The following CLSPN variants were observed in gnomAD, a reference collection of about 807,000 sequenced individuals.
CLSPN encodes claspin, also known as claspin homolog.
Under a neutral mutation model 156.3 loss-of-function variants are expected in CLSPN, and 85 were observed. The ratio of observed to expected loss-of-function variants is 0.54; its 90% confidence interval spans 0.46 to 0.65. The LOEUF is 0.65. Ranked by LOEUF, CLSPN falls within the 30% of genes least tolerant of loss-of-function variation. The probability of loss-of-function intolerance (pLI) is 0.00; values close to 1 mark genes in which losing one functional copy is unlikely to be tolerated. For missense variants in CLSPN, 1,407 were observed against 1,554.9 expected (o/e 0.90, Z 1.60); for synonymous variants, 534 against 542.4 (o/e 0.98, Z 0.22).
Position 35,760,482 on chromosome 1 carries a change from G to T in CLSPN, c.1439C>A (p.Ser480Ter). ...TTTTTCAGGTGGCCCAACTGCTGAT[G>T]ATTTATTTTGCTGCTCAGGCTCTTC... ...KVEEPEQQNK[S>*]SAVGPPEKVR... Residue 480 changes from serine to a stop codon, truncating the protein, a stop_gained, in exon 8 of 25, where the codon TCA becomes TAA. Coordinates refer to ENST00000318121, the MANE Select transcript of CLSPN (RefSeq NM_022111.4). LOFTEE classifies it high-confidence loss of function. 1.2e-6 allele frequency: 2 copies of T among 1,614,194 alleles called. No homozygotes were observed. Among genetic ancestry groups the T allele is most frequent in the Non-Finnish European group, 1.7e-6 (2 of 1,180,036 alleles).
Position 35,763,275 on chromosome 1 carries a change from A to G in CLSPN, c.629T>C (p.Val210Ala). The G allele has an allele frequency of 6.2e-7, 1 of 1,605,720 alleles. No homozygotes were observed. Among genetic ancestry groups the G allele is most frequent in the Non-Finnish European group, 8.5e-7 (1 of 1,177,738 alleles). ...QPFNDSGCLL[V>A]DKDLFETGLE... The stretch of plus-strand genomic sequence containing the variant: ...CCCAGTTTCAAAAAGGTCTTTATCC[A>G]CAAGAAGACAGCCACTGTCATTAAA... Residue 210 changes from valine to alanine, a missense_variant, in exon 4 of 25, where the codon GTG becomes GCG. Physicochemically the swap from Val to Ala is moderately conservative, Grantham distance 64. Around this residue, in one of 3 missense-constraint regions of CLSPN, gnomAD observed 1,096 missense variants for 1,193.0 expected, o/e 0.92. Transcript: ENST00000318121.
rs747813466 is a variant in CLSPN, at chr1:35,764,680, C to T, written c.168G>A (p.Leu56=). Residue 56 remains leucine (L), a synonymous_variant, in exon 3 of 25, where the codon TTG becomes TTA. Coordinates refer to ENST00000318121, the MANE Select transcript of CLSPN (RefSeq NM_022111.4). ...TGTCTTGTAGAACCTTCCTGTTTTT[C>T]AACTTCTTACTTACAAATATCTCTT... is the stretch of plus-strand genomic sequence containing the variant. ...SDEEIFVSKK[L]KNRKVLQDSD... 2.5e-6 allele frequency: 4 copies of T among 1,582,144 alleles called. No individual in the cohort carries two copies. The African/African-American group carries it at 4.1e-5, about 16-fold the overall frequency.
At position 35,765,253 on chromosome 1, in the gene CLSPN, C is replaced by T. The variant is rs1642630017; in HGVS notation, c.98G>A (p.Gly33Asp). 9 of 1,613,570 alleles carry T rather than the reference C, an allele frequency of 5.6e-6. No homozygotes were observed. Among genetic ancestry groups the T allele is most frequent in the Non-Finnish European group, 7.6e-6 (9 of 1,179,712 alleles). The part of the protein sequence containing the change: ...EADSPSDSGQ[G>D]SYETIGPLSE... ...CAAGGGTCCAATTGTTTCATAGCTG[C>T]CCTGTCCACTATCTGAAGGACTATC... Residue 33 changes from glycine (G) to aspartate (D), a missense_variant, in exon 2 of 25, where the codon GGC (glycine) becomes GAC (aspartate). Physicochemically the swap from Gly to Asp is moderately conservative, Grantham distance 94 (BLOSUM62 -1). Around this residue, in one of 3 missense-constraint regions of CLSPN, gnomAD observed 1,096 missense variants for 1,193.0 expected, o/e 0.92. Transcript: ENST00000318121.
In CLSPN at chr1:35,720,832, T is replaced by C. The variant is rs746804385; in HGVS notation, c.*59A>G. 61 of 1,223,400 alleles carry C rather than the reference T, an allele frequency of 5.0e-5. No individual in the cohort carries two copies. In the Middle Eastern group the frequency reaches 7.5e-4, roughly 15 times the overall value. 75.8% of individuals were successfully genotyped at this position (1,223,400 alleles called of 1,614,324 possible). On this transcript the variant is annotated 3_prime_UTR_variant, in exon 25 of 25. Coordinates refer to the CLSPN transcript ENST00000251195. Reference sequence around the variant, plus strand: ...ACCACAGAGCCATAAAGTCATCAATTGTTTGTTCTGCCCAGAATAGCCCTT... The same window carrying C: ...ACCACAGAGCCATAAAGTCATCAATCGTTTGTTCTGCCCAGAATAGCCCTT...
At chr1:35,722,849 T>C (rs1291705817) in intron 24 of CLSPN, among the ~76,000 whole-genome samples, 1 of 152,122 alleles carries the variant, frequency 6.6e-6, no homozygotes, top group African/African-American at 2.4e-5. Flanking sequence ...CAGGCTGGTC[T>C]CAAATTCCTG....
chr1:35,721,769 G>A (rs1327348840), intron 24 of CLSPN, among the ~76,000 whole-genome samples: 1 of 152,040 alleles, frequency 6.6e-6, no homozygotes, highest in Admixed American at 6.6e-5. Flanking sequence ...AATCATATAA[G>A]GTGCCACAAC....
chr1:35,762,092 G>A, intron 5 of CLSPN, 22 bp from the exon 6 acceptor site: 2 of 1,509,086 alleles, frequency 1.3e-6, no homozygotes, highest in Non-Finnish European at 1.8e-6. Context: ...CAAGAAGTGA[G>A]ACTACATTAA....
chr1:35,751,081 T>C (rs1178644478), intron 10 of CLSPN, among the ~76,000 whole-genome samples, 169 bp downstream of exon 10: 1 of 151,608 alleles, frequency 6.6e-6, no homozygotes, highest in Non-Finnish European at 1.5e-5. Context: ...TCAGTGGTAC[T>C]GACAGAACTG....
At chr1:35,721,800 A>T (rs1291024049) in intron 24 of CLSPN, among the ~76,000 whole-genome samples, 1 of 152,018 alleles carries the variant, frequency 6.6e-6, no homozygotes, top group Admixed American at 6.6e-5. Flanking sequence ...TCTTCTTGTT[A>T]TGCATTCTGG....
At chr1:35,721,578 G>A (rs1193977396) in intron 24 of CLSPN, among the ~76,000 whole-genome samples, 1 of 151,990 alleles carries the variant, frequency 6.6e-6, no homozygotes, top group Non-Finnish European at 1.5e-5. Flanking sequence ...AGTAGAGACA[G>A]GGTTTCACCA....
At position 35,760,396 on chromosome 1, in the gene CLSPN, G is replaced by A. The variant is rs200314953; in HGVS notation, c.1525C>T (p.Arg509Trp). 132 of 1,614,192 alleles carry A rather than the reference G, an allele frequency of 8.2e-5. No homozygotes were observed. The highest frequency in any genetic ancestry group is 4.0e-4 in the South Asian group (36 of 91,078). ...AAGGAATCTTCATCAGCACCTAGCC[G>A]TGGTTTAATGGAAACATCTACTCCC... ...QLGVDVSIKPRLGADEDSFVI... is the reference protein window; with the variant it reads ...QLGVDVSIKPWLGADEDSFVI... The change falls in exon 8 of 25, where the codon CGG becomes TGG. Residue 509 changes from arginine to tryptophan, a missense_variant. Physicochemically the swap from Arg to Trp is moderately radical, Grantham distance 101. This residue lies in a region of CLSPN where 1,096 missense variants were observed against 1,193.0 expected (regional missense o/e 0.92). Coordinates refer to ENST00000318121, the MANE Select transcript of CLSPN (RefSeq NM_022111.4).
chr1:35,749,453 G>A lies in CLSPN; in HGVS notation c.2272+14C>T, dbSNP rs1170989010. ...AAAAGAAATGTTAAGTTCTGCACAA[G>A]AATCACTACTTACCCAGTTTGCTAG... is the stretch of plus-strand genomic sequence containing the variant. On this transcript the variant is annotated intron_variant, in intron 12 of 24. Transcript: ENST00000318121. The A allele has an allele frequency of 7.4e-6, 12 of 1,612,168 alleles. No homozygotes were observed. Among genetic ancestry groups the A allele is most frequent in the Non-Finnish European group, 1.0e-5 (12 of 1,178,434 alleles).
In CLSPN at chr1:35,735,563, C is replaced by A; in HGVS notation, c.*933G>T. The A allele has an allele frequency of 2.0e-6, 1 of 511,956 alleles. No individual in the cohort carries two copies. Among genetic ancestry groups the A allele is most frequent in the Non-Finnish European group, 2.5e-6 (1 of 397,780 alleles). 31.7% of individuals were successfully genotyped at this position (511,956 alleles called of 1,614,324 possible). On this transcript the variant is annotated 3_prime_UTR_variant, in exon 25 of 25. Coordinates refer to ENST00000318121, the MANE Select transcript of CLSPN (RefSeq NM_022111.4). ...TCTCCACTAAAAATACAAAAATTAG[C>A]CAGGTGTGGTGGCATGCACCTGTAG...
At chr1:35,748,377 G>T (rs1373949705) in intron 13 of CLSPN, 28 bp downstream of exon 13, 1 of 1,593,264 alleles carries the variant, frequency 6.3e-7, no homozygotes, top group South Asian at 1.1e-5. Flanking sequence ...AAGAGAGGAG[G>T]AGATTAGAAA....
chr1:35,736,281 C>A lies in CLSPN; in HGVS notation c.*215G>T. ...CCATGAGTTGTTGATGTTGTAAATA[C>A]TGCAGAATTGAAATCAGTGGCCAAT... On this transcript the variant is annotated 3_prime_UTR_variant, in exon 25 of 25. Transcript: ENST00000318121. The A allele has an allele frequency of 8.7e-7, 1 of 1,146,994 alleles. No homozygotes were observed. The highest frequency in any genetic ancestry group is 4.7e-5 in the Admixed American group (1 of 21,072). The allele number at this position is 1,146,994 out of a possible 1,614,324, so 71.1% of individuals were successfully genotyped here.
rs568348622 is a variant in CLSPN, at chr1:35,732,243, C to A, written c.*4253G>T. ...CAAGGATGACATAATCAAATAGTAT[C>A]ATGGGAACACTCCTCCCAGAAATAC... is the stretch of plus-strand genomic sequence containing the variant. On this transcript the variant is annotated 3_prime_UTR_variant, in exon 25 of 25. Coordinates refer to ENST00000318121, the MANE Select transcript of CLSPN (RefSeq NM_022111.4). 2.0e-6 allele frequency: 2 copies of A among 985,270 alleles called. No individual in the cohort carries two copies. Among genetic ancestry groups the A allele is most frequent in the African/African-American group, 1.7e-5 (1 of 57,324 alleles). 61.0% of individuals were successfully genotyped at this position (985,270 alleles called of 1,614,324 possible). A position where few individuals can be genotyped will look rare whatever the true frequency, so the allele number is the denominator to read the frequency against.
rs115360314 is a variant in CLSPN at position 35,756,982 on chromosome 1, G to A, written c.1580-3046C>T. On this transcript the variant is annotated intron_variant, in intron 8 of 24. Transcript: ENST00000318121. ...AAAAACCCTGAATGATCTGGGCTCTGATCACCAATGTCCTTGCTATCTTCA... is the reference window on the plus strand; with the variant it reads ...AAAAACCCTGAATGATCTGGGCTCTAATCACCAATGTCCTTGCTATCTTCA... Among the ~76,000 whole-genome samples, 417 of 152,250 alleles carry A rather than the reference G, an allele frequency of 2.7e-3. 5 individuals carry two copies. The highest frequency in any genetic ancestry group is 9.0e-3 in the African/African-American group (375 of 41,548).
chr1:35,730,641 G>A (rs1641293531), downstream of CLSPN, among the ~76,000 whole-genome samples: 3 of 149,838 alleles, frequency 2.0e-5, no homozygotes, highest in African/African-American at 4.9e-5. Flanking sequence ...GAGTGGTAAT[G>A]GTCAGAGAAG....
exon 25 of CLSPN, chr1:35,720,929 G>A (rs1294293632): frequency 6.2e-7 from 1 of 1,612,168 alleles, no homozygotes; most frequent in African/African-American, 1.3e-5. Context: ...AAGAATCCAG[G>A]GATAGGAGCT....
Sources: gnomAD v4.1 joint callset for allele counts (sites outside exome capture counted in the v4.1 genomes callset) on GRCh38, gnomAD v4.1.1 for gene constraint, gnomAD v4.1.1 regional missense constraint, MANE v1.5 for transcripts, NCBI Gene and HGNC (gene_info 2026-07-23, HGNC 2026-07-21) for gene names.